Variants in TERF1 observed in about 807,000 individuals in gnomAD.
TERF1 encodes telomeric repeat-binding factor 1.
TERF1 carries 20 observed loss-of-function variants against 55.1 expected under a neutral mutation model. The ratio of observed to expected loss-of-function variants is 0.36; its 90% confidence interval spans 0.26 to 0.53. The LOEUF (loss-of-function observed/expected upper bound fraction) is 0.53. Among genes scored for constraint, TERF1 ranks in the 20% least tolerant of loss-of-function variants. TERF1 has a pLI of 0.91. For missense variants in TERF1, 439 were observed against 535.7 expected (o/e 0.82, Z 1.78); for synonymous variants, 168 against 181.2 (o/e 0.93, Z 0.59).
rs899253953 is a variant in TERF1 at position 73,047,677 on chromosome 8, T to A, written c.*1540T>A. ...TCTCTATTGTATTTCCTATTAAGGT[T>A]TCATATATTACTTTCCCATTGTTCC... On this transcript the variant is annotated 3_prime_UTR_variant, in exon 10 of 10. Transcript: ENST00000276603. The A allele has an allele frequency of 3.9e-5, 6 of 152,238 alleles. No individual in the cohort carries two copies. The highest frequency in any genetic ancestry group is 9.6e-5 in the African/African-American group (4 of 41,462). 9.4% of individuals were successfully genotyped at this position (152,238 alleles called of 1,614,324 possible).
intron 6 of TERF1, among the ~76,000 whole-genome samples, 186 bp downstream of exon 6, chr8:73,027,238 A>G (rs962410167): frequency 2.0e-5 from 3 of 152,212 alleles, no homozygotes; most frequent in African/African-American, 7.2e-5. Context: ...ATGCTAAGCA[A>G]AAGTAGAGAA....
chr8:73,046,669 T>A lies in TERF1; in HGVS notation c.*532T>A, dbSNP rs1810049165. ...CACCACCACGCCCAGCTAATTTTTG[T>A]ATTTTTAGTAGAGGCGGGGTTTCAC... is the stretch of plus-strand genomic sequence containing the variant. On this transcript the variant is annotated 3_prime_UTR_variant, in exon 10 of 10. Coordinates refer to ENST00000276603, the MANE Select transcript of TERF1 (RefSeq NM_017489.3). 1 of 152,124 alleles carries A rather than the reference T, an allele frequency of 6.6e-6. No homozygotes were observed. The highest frequency in any genetic ancestry group is 1.5e-5 in the Non-Finnish European group (1 of 68,034). The allele number at this position is 152,124 out of a possible 1,614,324, so 9.4% of individuals were successfully genotyped here. A position where few individuals can be genotyped will look rare whatever the true frequency, so the allele number is the denominator to read the frequency against.
intron 8 of TERF1, among the ~76,000 whole-genome samples, chr8:73,035,625 G>T (rs1563470013): frequency 6.6e-6 from 1 of 152,082 alleles, no homozygotes; most frequent in Non-Finnish European, 1.5e-5. Context: ...TTAGAAAAGT[G>T]ATAAATCTCC....
chr8:73,039,519 C>G (rs1038673499), intron 9 of TERF1, among the ~76,000 whole-genome samples: 1 of 152,072 alleles, frequency 6.6e-6, no homozygotes, highest in African/African-American at 2.4e-5. Flanking sequence ...ACATTATAAG[C>G]TTTGATGTTT....
At chr8:73,017,698 AT>A (rs1176143897) in intron 2 of TERF1, among the ~76,000 whole-genome samples, 1 of 144,944 alleles carries the variant, frequency 6.9e-6, no homozygotes, top group East Asian at 2.0e-4. Flanking sequence ...AGGCATCAAT[AT>A]TTTTTTTCTT....
chr8:73,025,914 G>A (rs1391982090), intron 5 of TERF1, among the ~76,000 whole-genome samples: 1 of 149,852 alleles, frequency 6.7e-6, no homozygotes, highest in African/African-American at 2.5e-5. Flanking sequence ...GACATTTCTG[G>A]TCAGGCGCAG....
chr8:73,037,771 T>A (rs1250923913), intron 8 of TERF1, among the ~76,000 whole-genome samples: 1 of 47,704 alleles, frequency 2.1e-5, no homozygotes, highest in Non-Finnish European at 4.4e-5. Context: ...TATAGTATAA[T>A]ATATATATTA....
rs56288812 is a variant in TERF1, at chr8:73,009,171, C to A, written c.285C>A (p.Ser95=). 1 of 1,610,892 alleles carries A rather than the reference C, an allele frequency of 6.2e-7. No individual in the cohort carries two copies. Among genetic ancestry groups the A allele is most frequent in the Non-Finnish European group, 8.5e-7 (1 of 1,179,868 alleles). ...GCCGAGCTTTCCGCGACGGCCGCTC[C>A]GAGGACTTCCGCAGGACCCGCAACA... The part of the protein sequence containing the change: ...SLCRAFRDGR[S]EDFRRTRNSA... The change falls in exon 1 of 10, where the codon TCC becomes TCA. Residue 95 remains serine (S), a synonymous_variant. Coordinates refer to ENST00000276603, the MANE Select transcript of TERF1 (RefSeq NM_017489.3).
intron 8 of TERF1, among the ~76,000 whole-genome samples, chr8:73,033,136 C>T (rs1396021305): frequency 6.6e-6 from 1 of 151,476 alleles, no homozygotes; most frequent in East Asian, 1.9e-4. Context: ...TGGTGCCAGG[C>T]AAATGATAGG....
intron 8 of TERF1, among the ~76,000 whole-genome samples, chr8:73,037,886 G>GATATATAATATATATAAAT (rs1809662601): frequency 1.9e-5 from 2 of 106,666 alleles, no homozygotes; most frequent in East Asian, 2.4e-4. Context: ...ATATAAATAT[G>GATATATAATATATATAAAT]ATATATAATA....
chr8:73,042,944 A>T (rs900808299), intron 9 of TERF1: 3 of 152,222 alleles, frequency 2.0e-5, no homozygotes, highest in Non-Finnish European at 4.4e-5. Flanking sequence ...GAAATACATC[A>T]TCTTAAACTC....
At position 73,039,140 on chromosome 8, in the gene TERF1, G is replaced by A; in HGVS notation, c.1064G>A (p.Arg355Lys). The change falls in exon 9 of 10, where the codon AGA becomes AAA. Residue 355 changes from arginine (R) to lysine (K), a missense_variant. Around this residue, in one of 4 missense-constraint regions of TERF1, gnomAD observed 140 missense variants for 158.6 expected, o/e 0.88. Coordinates refer to ENST00000276603, the MANE Select transcript of TERF1 (RefSeq NM_017489.3). ...GGTACAAAAAAGAAAAAAGAAAGCA[G>A]AAGAGCCACTGAAAGCAGAATACCT... ...PQSTKKKKES[R>K]RATESRIPVS... 6.3e-7 allele frequency: 1 copy of A among 1,596,476 alleles called. No individual in the cohort carries two copies. The highest frequency in any genetic ancestry group is 1.2e-5 in the South Asian group (1 of 86,110).
intron 8 of TERF1, 27 bp from the exon 9 acceptor site, chr8:73,039,089 T>C (rs1013519754): frequency 7.2e-7 from 1 of 1,391,936 alleles, no homozygotes; most frequent in African/African-American, 1.5e-5. Context: ...TAAATCAATA[T>C]TTATGACATT....
chr8:73,021,551 A>G (rs1300416855), intron 3 of TERF1, among the ~76,000 whole-genome samples: 7 of 152,198 alleles, frequency 4.6e-5, no homozygotes, highest in Admixed American at 4.6e-4. Context: ...ACTATTTGCC[A>G]GGCACTGTTC....
chr8:73,043,145 A>G (rs1405308794), intron 9 of TERF1: 2 of 152,196 alleles, frequency 1.3e-5, no homozygotes, highest in Admixed American at 6.5e-5. Context: ...GTTGGTACCA[A>G]TGACTACTAG....
chr8:73,025,081 G>T, intron 5 of TERF1, 110 bp downstream of exon 5: 2 of 702,144 alleles, frequency 2.8e-6, no homozygotes, highest in Non-Finnish European at 4.2e-6. Context: ...TTTTCATTGT[G>T]GTTTTGTAGA....
intron 7 of TERF1, chr8:73,030,707 G>A (rs891659591): frequency 5.8e-5 from 13 of 223,228 alleles, no homozygotes; most frequent in Non-Finnish European, 1.0e-4. Flanking sequence ...TGATACTGGG[G>A]CAGGAAGGGG....
chr8:73,037,561 A>G (rs2129880365), intron 8 of TERF1, among the ~76,000 whole-genome samples: 1 of 105,278 alleles, frequency 9.5e-6, no homozygotes, highest in African/African-American at 3.5e-5. Context: ...TCGGGGGGGA[A>G]AATATATATA....
chr8:73,037,559 GA>G (rs1212787628), intron 8 of TERF1, among the ~76,000 whole-genome samples: 37 of 92,880 alleles, frequency 4.0e-4, no homozygotes, highest in East Asian at 1.1e-3. Flanking sequence ...ATTCGGGGGG[GA>G]AAATATATAT....
Sources: allele counts gnomAD v4.1 joint callset (sites outside exome capture counted in the v4.1 genomes callset), GRCh38; gene constraint gnomAD v4.1.1; regional missense constraint gnomAD v4.1.1; transcripts MANE v1.5; gene names NCBI Gene and HGNC (gene_info 2026-07-23, HGNC 2026-07-21).